The following FAM110B variants were observed in gnomAD, a reference collection of about 807,000 sequenced individuals.
FAM110B encodes the protein protein FAM110B.
FAM110B carries 6 observed loss-of-function variants against 20.4 expected under a neutral mutation model. The observed-to-expected ratio is 0.29, with a 90% confidence interval of 0.16 to 0.58. The LOEUF is 0.58. Among genes scored for constraint, FAM110B ranks in the 20% least tolerant of loss-of-function variants. The probability of loss-of-function intolerance (pLI) is 0.90; values close to 1 mark genes in which losing one functional copy is unlikely to be tolerated. For missense variants in FAM110B, 434 were observed against 498.2 expected (o/e 0.87, Z 1.23); for synonymous variants, 226 against 214.1 (o/e 1.06, Z -0.49).
At chr8:58,015,668 A>C (rs1306401485) in intron 1 of FAM110B, among the ~76,000 whole-genome samples, 1 of 151,932 alleles carries the variant, frequency 6.6e-6, no homozygotes, top group East Asian at 1.9e-4. Flanking sequence ...TAACATGATG[A>C]AACCCCGTCT....
intron 1 of FAM110B, among the ~76,000 whole-genome samples, chr8:58,006,923 A>ATATATATATATATATATATATATATTTTT: frequency 1.6e-5 from 2 of 126,518 alleles, no homozygotes; most frequent in African/African-American, 6.1e-5. Context: ...ATATATATAT[A>ATATATATATATATATATATATATATTTTT]TTTTTCCAAA....
At chr8:58,023,620 A>C (rs9297984) in intron 1 of FAM110B, among the ~76,000 whole-genome samples, 23,961 of 152,078 alleles carry the variant, frequency 0.16, 2,360 homozygotes, top group African/African-American at 0.26. Context: ...ACATTCATAC[A>C]TGGGGATCTA....
chr8:58,001,937 C>T (rs1368586954), intron 1 of FAM110B, among the ~76,000 whole-genome samples: 1 of 152,038 alleles, frequency 6.6e-6, no homozygotes, highest in East Asian at 1.9e-4. Context: ...CTGCTGTCTC[C>T]AAGATGGAGA....
At chr8:58,010,723 C>T (rs1449936146) in intron 1 of FAM110B, among the ~76,000 whole-genome samples, 2 of 152,154 alleles carry the variant, frequency 1.3e-5, no homozygotes, top group Non-Finnish European at 2.9e-5. Context: ...AATATCACTC[C>T]CAGCTCTGCT....
At chr8:58,132,554 C>T (rs1021386115) in intron 3 of FAM110B, among the ~76,000 whole-genome samples, 8 of 152,180 alleles carry the variant, frequency 5.3e-5, no homozygotes, top group Non-Finnish European at 1.0e-4. Context: ...TCACTGACCG[C>T]AGGCAAGTCA....
chr8:58,079,631 A>G (rs1296270904), intron 3 of FAM110B, among the ~76,000 whole-genome samples: 1 of 152,122 alleles, frequency 6.6e-6, no homozygotes, highest in Non-Finnish European at 1.5e-5. Flanking sequence ...AATTTTTTAA[A>G]TTAGCCAGGT....
chr8:58,006,923 A>ATATATATATATATTTTTTTTTTTT, intron 1 of FAM110B, among the ~76,000 whole-genome samples: 12 of 126,508 alleles, frequency 9.5e-5, no homozygotes, highest in Non-Finnish European at 1.6e-4. Flanking sequence ...ATATATATAT[A>ATATATATATATATTTTTTTTTTTT]TTTTTCCAAA....
At chr8:58,025,252 CA>C (rs1804831477) in intron 1 of FAM110B, among the ~76,000 whole-genome samples, 1 of 152,100 alleles carries the variant, frequency 6.6e-6, no homozygotes, top group Admixed American at 6.5e-5. Flanking sequence ...TCAGGGAGGT[CA>C]AGGGAATGTT....
At chr8:58,108,024 G>A (rs1003481241) in intron 3 of FAM110B, among the ~76,000 whole-genome samples, 2 of 152,192 alleles carry the variant, frequency 1.3e-5, no homozygotes, top group Non-Finnish European at 2.9e-5. Context: ...TTGTGTAGCA[G>A]AGAAGCTAGT....
At chr8:58,000,742 T>A (rs1181555560) in intron 1 of FAM110B, among the ~76,000 whole-genome samples, 1 of 152,332 alleles carries the variant, frequency 6.6e-6, no homozygotes, top group East Asian at 1.9e-4. Flanking sequence ...TGAATCCTGA[T>A]TACGCTTGTG....
chr8:57,996,335 AT>A (rs1804185211), intron 1 of FAM110B, among the ~76,000 whole-genome samples: 3 of 151,976 alleles, frequency 2.0e-5, no homozygotes, highest in Non-Finnish European at 4.4e-5. Flanking sequence ...ATTACTTTTA[AT>A]TTTTCTTATC....
chr8:58,116,124 C>T (rs1207644901), intron 3 of FAM110B, among the ~76,000 whole-genome samples: 2 of 152,172 alleles, frequency 1.3e-5, no homozygotes, highest in African/African-American at 4.8e-5. Context: ...GCCTGGTAAC[C>T]AATTGGCTGT....
At chr8:58,108,522 G>A (rs1158098149) in intron 3 of FAM110B, among the ~76,000 whole-genome samples, 2 of 152,170 alleles carry the variant, frequency 1.3e-5, no homozygotes, top group Non-Finnish European at 2.9e-5. Flanking sequence ...GGCATGTTCG[G>A]ATAAATGGAT....
intron 2 of FAM110B, among the ~76,000 whole-genome samples, chr8:58,054,909 T>G (rs926431845): frequency 7.4e-6 from 1 of 134,946 alleles, no homozygotes; most frequent in Admixed American, 7.2e-5. Flanking sequence ...TCAGGTCCTA[T>G]TTTTCTTCTT....
Position 58,075,635 on chromosome 8 carries a change from G to A in FAM110B, c.-325+12G>A, listed in dbSNP as rs547412516. The A allele has an allele frequency of 1.3e-4, 20 of 152,136 alleles. No homozygotes were observed. The highest frequency in any genetic ancestry group is 4.3e-4 in the African/African-American group (18 of 41,494). The allele number at this position is 152,136 out of a possible 1,614,324, so 9.4% of individuals were successfully genotyped here. ...CATTCCCCTCTCAGGTAAGCATATT[G>A]CTTTGCTTTGATCCATTCTGAGAAG... On this transcript the variant is annotated intron_variant, in intron 3 of 3. Coordinates refer to ENST00000519262, the MANE Select transcript of FAM110B (RefSeq NM_001377989.1).
At position 58,134,928 on chromosome 8, in the gene FAM110B, A is replaced by C. The variant is rs143608352; in HGVS notation, c.-324-10979A>C. On this transcript the variant is annotated intron_variant, in intron 3 of 3. Coordinates refer to ENST00000519262, the MANE Select transcript of FAM110B (RefSeq NM_001377989.1). ...TCACCCTCTGGAGGAAGCTGGTATT[A>C]ATACTAAACAGTGAATGGTCAAAAG... Among the ~76,000 whole-genome samples the C allele has an allele frequency of 1.6e-3, 251 of 152,354 alleles. 3 individuals are homozygous for C. The highest frequency in any genetic ancestry group is 5.8e-3 in the African/African-American group (243 of 41,576).
intron 2 of FAM110B, among the ~76,000 whole-genome samples, chr8:58,068,376 T>G (rs149579538): frequency 1.6e-3 from 250 of 152,364 alleles, no homozygotes; most frequent in African/African-American, 5.6e-3. Context: ...CACTCTTGAA[T>G]TTATGGACCA....
intron 1 of FAM110B, among the ~76,000 whole-genome samples, chr8:58,010,552 C>T (rs531398220): frequency 1.3e-5 from 2 of 152,142 alleles, no homozygotes; most frequent in African/African-American, 4.8e-5. Context: ...ACTTACATGC[C>T]CTGGCACTGT....
chr8:58,040,976 T>C (rs1805204900), intron 2 of FAM110B, among the ~76,000 whole-genome samples: 1 of 144,542 alleles, frequency 6.9e-6, no homozygotes, highest in African/African-American at 2.5e-5. Flanking sequence ...AGTTTCACTC[T>C]TGTTGCCCAG....
Sources: allele counts gnomAD v4.1 joint callset (sites outside exome capture counted in the v4.1 genomes callset), GRCh38; gene constraint gnomAD v4.1.1; transcripts MANE v1.5; gene names NCBI Gene and HGNC (gene_info 2026-07-23, HGNC 2026-07-21).